CA9: variants seen among roughly 807,000 people sequenced by gnomAD.
CA9 encodes CA-IX.
A neutral mutation model predicts 51.8 loss-of-function variants in CA9; 43 were observed. The ratio of observed to expected loss-of-function variants is 0.83; its 90% confidence interval spans 0.65 to 1.07. The LOEUF (loss-of-function observed/expected upper bound fraction) is 1.07. CA9 is among the 50% of genes least tolerant of loss of function. The pLI, the probability that CA9 is intolerant of heterozygous loss-of-function variation, is 0.00. For synonymous variants in CA9, 253 were observed against 244.2 expected, an observed-to-expected ratio of 1.04 and a Z score of -0.34; for missense variants, 574 against 581.4, an observed-to-expected ratio of 0.99 and a Z score of 0.13.
chr9:35,674,250 A>T lies in CA9; in HGVS notation c.291A>T (p.Glu97Asp). The T allele has an allele frequency of 6.2e-7, 1 of 1,614,138 alleles. No homozygotes were observed. Among genetic ancestry groups the T allele is most frequent in the Non-Finnish European group, 8.5e-7 (1 of 1,180,000 alleles). Residue 97 changes from glutamate to aspartate, a missense_variant, in exon 1 of 11, where the codon GAA becomes GAT. Coordinates refer to ENST00000378357, the MANE Select transcript of CA9 (RefSeq NM_001216.3). ...TACCTGGAGAGGAGGATCTACCTGA[A>T]GTTAAGCCTAAATCAGAAGAAGAGG... ...EDLPGEEDLP[E>D]VKPKSEEEGS...
chr9:35,675,737 C>T, intron 2 of CA9, 24 bp from the exon 3 acceptor site: 1 of 1,531,414 alleles, frequency 6.5e-7, no homozygotes, highest in South Asian at 1.1e-5. Flanking sequence ...CGTCAGACTT[C>T]CTCACTATAC....
At chr9:35,678,726 T>A (rs1370499155) in intron 6 of CA9, among the ~76,000 whole-genome samples, 1 of 150,682 alleles carries the variant, frequency 6.6e-6, no homozygotes, top group Non-Finnish European at 1.5e-5. Flanking sequence ...ACATCTTTAG[T>A]AGAGACAGGG....
chr9:35,675,100 C>T lies in CA9; in HGVS notation c.404-438C>T, dbSNP rs187115116. The T allele has an allele frequency of 3.3e-3, 553 of 165,316 alleles. 1 individual carries two copies. The highest frequency in any genetic ancestry group is 0.01 in the South Asian group (65 of 6,370). The allele number at this position is 165,316 out of a possible 1,614,324, so 10.2% of individuals were successfully genotyped here. Reference sequence around the variant, plus strand: ...CCACCTCCCGGGTTCAAGTGATTCTCCTGCCTCAGCCTCTAGCCAAGTAGC... The same window carrying T: ...CCACCTCCCGGGTTCAAGTGATTCTTCTGCCTCAGCCTCTAGCCAAGTAGC... On this transcript the variant is annotated intron_variant, in intron 1 of 10. Coordinates refer to ENST00000378357, the MANE Select transcript of CA9 (RefSeq NM_001216.3).
At position 35,681,014 on chromosome 9, in the gene CA9, ACTGGAGCCTAGAGG is replaced by A. The variant is rs1824540593; in HGVS notation, c.1375_*8del. Reference sequence around the variant, plus strand: ...CTACCGCCCAGCAGAGGTAGCCGAGACTGGAGCCTAGAGGCTGGATCTTGGAGAATGTGAGAAGC... The same window carrying A: ...CTACCGCCCAGCAGAGGTAGCCGAGACTGGATCTTGGAGAATGTGAGAAGC... On this transcript the variant is annotated stop_lost and 3_prime_UTR_variant, in exon 11 of 11. Coordinates refer to ENST00000378357, the MANE Select transcript of CA9 (RefSeq NM_001216.3). The A allele has an allele frequency of 1.9e-6, 3 of 1,613,926 alleles. No homozygotes were observed. Among genetic ancestry groups the A allele is most frequent in the Non-Finnish European group, 2.5e-6 (3 of 1,179,980 alleles).
intron 5 of CA9, 90 bp from the exon 6 acceptor site, chr9:35,677,700 A>G: frequency 1.1e-6 from 1 of 934,994 alleles, no homozygotes; most frequent in Non-Finnish European, 1.8e-6. Flanking sequence ...GAGGAATGGG[A>G]GAGGTCTATG....
chr9:35,678,136 A>G (rs998478332), intron 6 of CA9, among the ~76,000 whole-genome samples: 11 of 152,140 alleles, frequency 7.2e-5, no homozygotes, highest in Admixed American at 1.3e-4. Context: ...CACGAGGTCA[A>G]GAGATCAAGA....
At position 35,674,190 on chromosome 9, in the gene CA9, ACCCGGAGAGGAGGATCT is replaced by A. The variant is rs1824373145; in HGVS notation, c.232_248del (p.Pro78ThrfsTer14). ...AGGATTCACCCAGAGAGGAGGATCC[ACCCGGAGAGGAGGATCT>A]ACCTGGAGAGGAGGATCTACCTGGA... is the stretch of plus-strand genomic sequence containing the variant. On this transcript the variant is annotated frameshift_variant, in exon 1 of 11. Coordinates refer to ENST00000378357, the MANE Select transcript of CA9 (RefSeq NM_001216.3). LOFTEE classifies it high-confidence loss of function. 7 of 1,612,880 alleles carry A rather than the reference ACCCGGAGAGGAGGATCT, an allele frequency of 4.3e-6. No individual in the cohort carries two copies. The East Asian group carries it at 1.6e-4, about 36-fold the overall frequency.
Position 35,677,710 on chromosome 9 carries a change from G to A in CA9, c.841-80G>A, listed in dbSNP as rs1352000175. On this transcript the variant is annotated intron_variant, in intron 5 of 10. Transcript: ENST00000378357. ...GAGCTGAGGAATGGGAGAGGTCTAT[G>A]GGAACCCCCCTTCATGTTCCGGCCT... 7.4e-6 allele frequency: 8 copies of A among 1,081,622 alleles called. No homozygotes were observed. The Admixed American group carries it at 8.5e-5, about 12-fold the overall frequency. 67.0% of individuals were successfully genotyped at this position (1,081,622 alleles called of 1,614,324 possible). A position where few individuals can be genotyped will look rare whatever the true frequency, so the allele number is the denominator to read the frequency against.
At position 35,675,926 on chromosome 9, in the gene CA9, A is replaced by T. The variant is rs779997840; in HGVS notation, c.599A>T (p.His200Leu). The T allele has an allele frequency of 1.9e-6, 3 of 1,605,574 alleles. No individual in the cohort carries two copies. Among genetic ancestry groups the T allele is most frequent in the East Asian group, 2.2e-5 (1 of 44,826 alleles). ...GAACTGCGCCTGCGCAACAATGGCC[A>T]CAGTGGTGAGGGGGTCTCCCCGCCG... The part of the protein sequence containing the change: ...LPELRLRNNG[H>L]SVQLTLPPGL... Residue 200 changes from histidine (H) to leucine (L), a missense_variant, in exon 3 of 11, where the codon CAC becomes CTC. Coordinates refer to ENST00000378357, the MANE Select transcript of CA9 (RefSeq NM_001216.3).
chr9:35,680,722 C>T (rs1253029078), intron 9 of CA9, 31 bp from the exon 10 acceptor site: 72 of 1,599,426 alleles, frequency 4.5e-5, no homozygotes, highest in Non-Finnish European at 6.2e-5. Context: ...CTCTTCCTTC[C>T]CAAAGCAGCC....
chr9:35,676,487 T>A, intron 5 of CA9, 98 bp downstream of exon 5: 1 of 964,956 alleles, frequency 1.0e-6, no homozygotes, highest in Non-Finnish European at 1.6e-6. Context: ...GCAAGCTCAC[T>A]CAGGCCCCTG....
intron 2 of CA9, 53 bp from the exon 3 acceptor site, chr9:35,675,708 C>T: frequency 2.0e-6 from 3 of 1,507,568 alleles, no homozygotes; most frequent in Non-Finnish European, 2.7e-6. Context: ...ACCCGGGTTC[C>T]CTAAGTTCCT....
chr9:35,674,023 A>C lies in CA9; in HGVS notation c.64A>C (p.Thr22Pro). ...GATCCCGGCCCCTGCTCCAGGCCTC[A>C]CTGTGCAACTGCTGCTGTCACTGCT... The part of the protein sequence containing the change: ...LLIPAPAPGL[T>P]VQLLLSLLLL... The change falls in exon 1 of 11, where the codon ACT (threonine) becomes CCT (proline). Residue 22 changes from threonine to proline, a missense_variant. Transcript: ENST00000378357. 6.2e-7 allele frequency: 1 copy of C among 1,614,014 alleles called. No homozygotes were observed. The highest frequency in any genetic ancestry group is 8.5e-7 in the Non-Finnish European group (1 of 1,179,968).
rs930601767 is a variant in CA9, at chr9:35,681,036, T to C, written c.*11T>C. The C allele has an allele frequency of 1.6e-5, 25 of 1,612,680 alleles. No homozygotes were observed. Among genetic ancestry groups the C allele is most frequent in the Non-Finnish European group, 1.6e-5 (19 of 1,179,600 alleles). On this transcript the variant is annotated 3_prime_UTR_variant, in exon 11 of 11. Transcript: ENST00000378357. ...GAGACTGGAGCCTAGAGGCTGGATC[T>C]TGGAGAATGTGAGAAGCCAGCCAGA... is the stretch of plus-strand genomic sequence containing the variant.
intron 7 of CA9, 24 bp downstream of exon 7, chr9:35,679,366 A>T: frequency 6.2e-7 from 1 of 1,600,172 alleles, no homozygotes; most frequent in Non-Finnish European, 8.5e-7. Flanking sequence ...GTGTGTGGAC[A>T]CAGTGGGTGC....
chr9:35,677,583 T>A (rs768147771), intron 5 of CA9, among the ~76,000 whole-genome samples: 1 of 151,574 alleles, frequency 6.6e-6, no homozygotes, highest in Non-Finnish European at 1.5e-5. Context: ...TTTGAAATAA[T>A]ACATAGGATT....
At chr9:35,677,610 G>A (rs976478632) in intron 5 of CA9, among the ~76,000 whole-genome samples, 180 bp from the exon 6 acceptor site, 52 of 151,604 alleles carry the variant, frequency 3.4e-4, no homozygotes, top group African/African-American at 1.2e-3. Flanking sequence ...GGGAGACACT[G>A]TCTCTAAAAA....
rs1341636793 is a variant in CA9, at chr9:35,680,780, T to G, written c.1265T>G (p.Leu422Arg). 3 of 1,614,112 alleles carry G rather than the reference T, an allele frequency of 1.9e-6. No homozygotes were observed. The African/African-American group carries it at 4.0e-5, about 22-fold the overall frequency. Residue 422 changes from leucine to arginine, a missense_variant, in exon 10 of 11, where the codon CTC (leucine) becomes CGC (arginine). By Grantham distance (102) the Leu-to-Arg change is moderately radical. Transcript: ENST00000378357. ...AGDILALVFG[L>R]LFAVTSVAFL... The stretch of plus-strand genomic sequence containing the variant: ...GACATCCTAGCCCTGGTTTTTGGCC[T>G]CCTTTTTGCTGTCACCAGCGTCGCG...
intron 1 of CA9, 49 bp downstream of exon 1, chr9:35,674,411 C>A (rs898356516): frequency 3.9e-6 from 6 of 1,535,424 alleles, no homozygotes; most frequent in South Asian, 1.2e-5. Context: ...GTTCATGACT[C>A]CCCTCCCATA....
Sources: allele counts gnomAD v4.1 joint callset (sites outside exome capture counted in the v4.1 genomes callset), GRCh38; gene constraint gnomAD v4.1.1; transcripts MANE v1.5; gene names NCBI Gene and HGNC (gene_info 2026-07-23, HGNC 2026-07-21).